ADAM12: variants seen among roughly 807,000 people sequenced by gnomAD.
The protein encoded by ADAM12 is disintegrin and metalloproteinase domain-containing protein 12.
In ADAM12, 70 loss-of-function variants were observed where a neutral mutation model predicts 106.4. The observed-to-expected ratio is 0.66, with a 90% CI of 0.54 to 0.80. The LOEUF (loss-of-function observed/expected upper bound fraction) is 0.80, where lower values mean the gene tolerates loss of function less well. Ranked by LOEUF, ADAM12 falls within the 30% of genes least tolerant of loss-of-function variation. ADAM12 has a pLI of 0.00. For synonymous variants in ADAM12, 420 were observed against 433.5 expected, an observed-to-expected ratio of 0.97 and a Z score of 0.39; for missense variants, 1,010 against 1,171.9, an observed-to-expected ratio of 0.86 and a Z score of 2.02.
intron 2 of ADAM12, among the ~76,000 whole-genome samples, chr10:126,313,367 G>A (rs967674998): frequency 1.3e-5 from 2 of 152,196 alleles, no homozygotes; most frequent in Non-Finnish European, 2.9e-5. Flanking sequence ...GACCAACCCT[G>A]CCTCACAAAG....
chr10:126,039,554 A>T lies in ADAM12; in HGVS notation c.2105-125T>A, dbSNP rs1590320390. 2.5e-5 allele frequency: 28 copies of T among 1,128,810 alleles called. No individual in the cohort carries two copies. The East Asian group carries it at 7.1e-4, about 29-fold the overall frequency. 69.9% of individuals were successfully genotyped at this position (1,128,810 alleles called of 1,614,324 possible). A position where few individuals can be genotyped will look rare whatever the true frequency, so the allele number is the denominator to read the frequency against. ...CAGAAATGAAGAGAGTACACCCGTG[A>T]GTGATGTACTAATAAACTGTCTTAC... On this transcript the variant is annotated intron_variant, in intron 18 of 22. Transcript: ENST00000448723.
Position 126,210,813 on chromosome 10 carries a change from A to G in ADAM12, c.261-55508T>C, listed in dbSNP as rs77326274. On this transcript the variant is annotated intron_variant, in intron 3 of 22. Transcript: ENST00000448723. Reference sequence around the variant, plus strand: ...CTTTTCTGGACATTAAGGGAGGCTGATAGGGCAGGAGCAAGGCTGTGAGAA... The same window carrying G: ...CTTTTCTGGACATTAAGGGAGGCTGGTAGGGCAGGAGCAAGGCTGTGAGAA... 4.7e-3 allele frequency among the ~76,000 whole-genome samples: 720 copies of G among 152,278 alleles called. 1 individual carries two copies. The highest frequency in any genetic ancestry group is 8.6e-3 in the Non-Finnish European group (584 of 68,016).
intron 1 of ADAM12, 82 bp downstream of exon 1, chr10:126,387,976 C>A: frequency 8.5e-7 from 1 of 1,178,922 alleles, no homozygotes; most frequent in Non-Finnish European, 1.0e-6. Flanking sequence ...CTCGGGGCAG[C>A]CCTGGACCTC....
chr10:126,319,028 C>T (rs1384381828), intron 2 of ADAM12, among the ~76,000 whole-genome samples: 1 of 152,116 alleles, frequency 6.6e-6, no homozygotes, highest in African/African-American at 2.4e-5. Context: ...CCACCAGGTC[C>T]CTCCCACAAC....
chr10:126,032,228 G>A (rs1420548404), intron 21 of ADAM12, among the ~76,000 whole-genome samples: 1 of 152,198 alleles, frequency 6.6e-6, no homozygotes, highest in Non-Finnish European at 1.5e-5. Context: ...CAGGGCATGA[G>A]GAACCCCAAA....
intron 18 of ADAM12, among the ~76,000 whole-genome samples, chr10:126,040,804 C>G (rs1016584031): frequency 2.0e-5 from 3 of 152,138 alleles, no homozygotes; most frequent in African/African-American, 4.8e-5. Flanking sequence ...ATCTATGAAA[C>G]TGAACATTTA....
At chr10:126,264,610 C>T (rs913070431) in intron 3 of ADAM12, among the ~76,000 whole-genome samples, 8 of 152,302 alleles carry the variant, frequency 5.3e-5, no homozygotes, top group Middle Eastern at 3.4e-3. Flanking sequence ...GTTTTTCTCG[C>T]GGGTCCCTGA....
intron 1 of ADAM12, among the ~76,000 whole-genome samples, chr10:126,368,895 A>G (rs1856011872): frequency 6.6e-6 from 1 of 152,170 alleles, no homozygotes; most frequent in African/African-American, 2.4e-5. Context: ...CTTCATGCCC[A>G]TCCTCGCATC....
intron 8 of ADAM12, among the ~76,000 whole-genome samples, chr10:126,107,010 G>C (rs1398780998): frequency 1.3e-5 from 2 of 152,094 alleles, no homozygotes; most frequent in African/African-American, 2.4e-5. Context: ...ATCTCCTCCT[G>C]CCCTAGCTCT....
At chr10:126,366,385 T>A (rs533743427) in intron 1 of ADAM12, among the ~76,000 whole-genome samples, 1 of 152,186 alleles carries the variant, frequency 6.6e-6, no homozygotes, top group Non-Finnish European at 1.5e-5. Flanking sequence ...TCTATAACTC[T>A]CTAAGTTAAA....
chr10:126,125,122 C>T (rs1956181808), intron 5 of ADAM12, among the ~76,000 whole-genome samples: 1 of 152,004 alleles, frequency 6.6e-6, no homozygotes, highest in Admixed American at 6.6e-5. Context: ...TCACCACTAT[C>T]TAATTGCAGA....
At chr10:126,017,872 A>AC (rs1346883227) in intron 22 of ADAM12, among the ~76,000 whole-genome samples, 1 of 152,234 alleles carries the variant, frequency 6.6e-6, no homozygotes, top group Non-Finnish European at 1.5e-5. Context: ...TCAGCAACTG[A>AC]CCAGAGGTAA....
chr10:126,193,264 C>CAAAAAAAAA (rs757716875), intron 3 of ADAM12, among the ~76,000 whole-genome samples: 1 of 26,630 alleles, frequency 3.8e-5, no homozygotes, highest in African/African-American at 8.7e-5. Flanking sequence ...GACTCCATCT[C>CAAAAAAAAA]AAAAAAAAAA....
At chr10:126,173,859 G>A (rs1193842467) in intron 3 of ADAM12, among the ~76,000 whole-genome samples, 1 of 151,968 alleles carries the variant, frequency 6.6e-6, no homozygotes, top group African/African-American at 2.4e-5. Flanking sequence ...AGCATCGCAG[G>A]GGTCTGGGGG....
At chr10:126,198,400 A>C (rs1018604019) in intron 3 of ADAM12, among the ~76,000 whole-genome samples, 2 of 152,176 alleles carry the variant, frequency 1.3e-5, no homozygotes, top group Admixed American at 1.3e-4. Flanking sequence ...AAGTCTCATC[A>C]CCCACATGCT....
rs564018338 is a variant in ADAM12 at position 126,343,274 on chromosome 10, C to A, written c.89-12765G>T. On this transcript the variant is annotated intron_variant, in intron 1 of 22. Transcript: ENST00000448723. ...ATTCCCACCTATGAGTGAGAACATG[C>A]GGTGTTTGGTTTTTTGTCCTTGCAA... is the stretch of plus-strand genomic sequence containing the variant. Among the ~76,000 whole-genome samples, 3 of 150,442 alleles carry A rather than the reference C, an allele frequency of 2.0e-5. 1 individual carries two copies. Among genetic ancestry groups the A allele is most frequent in the Admixed American group, 6.7e-5 (1 of 15,026 alleles).
intron 2 of ADAM12, among the ~76,000 whole-genome samples, chr10:126,313,063 T>C (rs1217473035): frequency 6.6e-6 from 1 of 152,218 alleles, no homozygotes; most frequent in Non-Finnish European, 1.5e-5. Context: ...GCAGCTTGGC[T>C]GAAAGGTCCC....
chr10:126,040,749 A>G (rs1954146891), intron 18 of ADAM12, among the ~76,000 whole-genome samples: 1 of 152,184 alleles, frequency 6.6e-6, no homozygotes, highest in Non-Finnish European at 1.5e-5. Context: ...CTTGAACTAT[A>G]ATTTCTAGTT....
intron 6 of ADAM12, among the ~76,000 whole-genome samples, 188 bp from the exon 7 acceptor site, chr10:126,110,028 T>C (rs1236094966): frequency 6.6e-6 from 1 of 152,094 alleles, no homozygotes; most frequent in Non-Finnish European, 1.5e-5. Flanking sequence ...CTTCTCAACA[T>C]GAGTAACCAG....
Sources: allele counts gnomAD v4.1 joint callset (sites outside exome capture counted in the v4.1 genomes callset), GRCh38; gene constraint gnomAD v4.1.1; transcripts MANE v1.5; gene names NCBI Gene and HGNC (gene_info 2026-07-23, HGNC 2026-07-21).